RBFOX1: variants seen among roughly 807,000 people sequenced by gnomAD.
The protein encoded by RBFOX1 is RNA binding protein fox-1 homolog 1.
A neutral mutation model predicts 57.7 loss-of-function variants in RBFOX1; 8 were observed. That is an observed-to-expected ratio of 0.14 (90% CI 0.08 to 0.25). The LOEUF is 0.25. Among genes scored for constraint, RBFOX1 ranks in the 10% least tolerant of loss-of-function variants. The pLI, the probability that RBFOX1 is intolerant of heterozygous loss-of-function variation, is 1.00. For missense variants in RBFOX1, 611 were observed against 548.5 expected, an observed-to-expected ratio of 1.11 and a Z score of -1.14; for synonymous variants, 326 against 222.4, an observed-to-expected ratio of 1.47 and a Z score of -4.15.
At chr16:6,691,130 C>T (rs902335740) in intron 3 of RBFOX1, among the ~76,000 whole-genome samples, 1 of 152,212 alleles carries the variant, frequency 6.6e-6, no homozygotes, top group East Asian at 1.9e-4. Flanking sequence ...ATTACAGAGT[C>T]CTGGAAAGAA....
At chr16:5,247,281 G>A (rs1011572549) in intron 1 of RBFOX1, among the ~76,000 whole-genome samples, 1 of 152,202 alleles carries the variant, frequency 6.6e-6, no homozygotes, top group African/African-American at 2.4e-5. Context: ...ACTGTGGTTT[G>A]TGGGACTCCA....
intron 1 of RBFOX1, among the ~76,000 whole-genome samples, chr16:6,256,187 GTATATA>G (rs1238561014): frequency 4.1e-4 from 4 of 9,746 alleles, no homozygotes; most frequent in African/African-American, 5.8e-4. Context: ...ATATATATAC[GTATATA>G]TATGTATATG....
chr16:6,199,868 G>T (rs551502663), intron 1 of RBFOX1, among the ~76,000 whole-genome samples: 2 of 152,234 alleles, frequency 1.3e-5, no homozygotes, highest in East Asian at 1.9e-4. Flanking sequence ...CTATCAGAAG[G>T]TTATGAAGAC....
At chr16:6,345,790 C>T (rs2085283863) in intron 2 of RBFOX1, among the ~76,000 whole-genome samples, 1 of 152,190 alleles carries the variant, frequency 6.6e-6, no homozygotes, top group Non-Finnish European at 1.5e-5. Flanking sequence ...GGATGTGTGC[C>T]TGTGACACGG....
intron 1 of RBFOX1, among the ~76,000 whole-genome samples, chr16:5,346,426 G>C (rs932898159): frequency 1.3e-5 from 2 of 152,204 alleles, no homozygotes; most frequent in Non-Finnish European, 2.9e-5. Context: ...GAGAAGTTAT[G>C]ATGTTTGAAC....
intron 2 of RBFOX1, among the ~76,000 whole-genome samples, chr16:5,597,958 C>A (rs541873322): frequency 1.3e-4 from 20 of 152,232 alleles, no homozygotes; most frequent in African/African-American, 4.3e-4. Flanking sequence ...AGGTTAAGAC[C>A]TACTTCTTAA....
intron 5 of RBFOX1, among the ~76,000 whole-genome samples, chr16:7,523,435 A>G (rs939790912): frequency 6.6e-6 from 1 of 152,248 alleles, no homozygotes; most frequent in African/African-American, 2.4e-5. Flanking sequence ...AGGCAGCATC[A>G]TCAAAGGAAG....
chr16:6,516,029 A>C (rs895939755), intron 2 of RBFOX1, among the ~76,000 whole-genome samples: 1 of 152,056 alleles, frequency 6.6e-6, no homozygotes, highest in African/African-American at 2.4e-5. Context: ...TTTGAGACAG[A>C]GTCTTGCTCT....
intron 2 of RBFOX1, among the ~76,000 whole-genome samples, chr16:6,568,793 T>G (rs2097303429): frequency 6.6e-6 from 1 of 152,086 alleles, no homozygotes; most frequent in African/African-American, 2.4e-5. Flanking sequence ...TTTTTGAGAT[T>G]GAGTCTTCTC....
At chr16:7,689,270 G>A (rs1001203843) in intron 14 of RBFOX1, among the ~76,000 whole-genome samples, 4 of 151,982 alleles carry the variant, frequency 2.6e-5, no homozygotes, top group Admixed American at 6.6e-5. Context: ...TCATACATTG[G>A]TAATCCTTCC....
rs538424684 is a variant in RBFOX1 at position 7,048,704 on chromosome 16, C to G, written c.-15-3353C>G. Among the ~76,000 whole-genome samples, 5 of 152,036 alleles carry G rather than the reference C, an allele frequency of 3.3e-5. No homozygotes were observed. The South Asian group carries it at 1.0e-3, about 32-fold the overall frequency. ...TTATTTGATAATTCCAACATCTTTGCTATGTTGATGTTGGTGTCTGTGAAT... is the reference window on the plus strand; with the variant it reads ...TTATTTGATAATTCCAACATCTTTGGTATGTTGATGTTGGTGTCTGTGAAT... On this transcript the variant is annotated intron_variant, in intron 3 of 15. Coordinates refer to ENST00000550418, the MANE Select transcript of RBFOX1 (RefSeq NM_018723.4).
intron 3 of RBFOX1, among the ~76,000 whole-genome samples, chr16:6,857,820 T>C (rs1030891413): frequency 3.3e-5 from 5 of 152,218 alleles, no homozygotes; most frequent in African/African-American, 1.2e-4. Context: ...CCTGTTTTGG[T>C]AATTAATTAT....
intron 2 of RBFOX1, among the ~76,000 whole-genome samples, chr16:5,557,226 C>T (rs1241390205): frequency 6.6e-6 from 1 of 151,532 alleles, no homozygotes; most frequent in African/African-American, 2.4e-5. Context: ...CGCCACTGCA[C>T]TCCAGCCGGG....
intron 3 of RBFOX1, among the ~76,000 whole-genome samples, chr16:6,859,940 A>G (rs2058707014): frequency 6.6e-6 from 1 of 152,174 alleles, no homozygotes; most frequent in African/African-American, 2.4e-5. Flanking sequence ...TAATGAATTG[A>G]GACAGCTGAA....
At chr16:6,124,125 A>G (rs2096571574) in intron 1 of RBFOX1, among the ~76,000 whole-genome samples, 1 of 152,130 alleles carries the variant, frequency 6.6e-6, no homozygotes, top group Non-Finnish European at 1.5e-5. Context: ...TTTTGTTTGC[A>G]CCACACAGTT....
intron 3 of RBFOX1, among the ~76,000 whole-genome samples, chr16:7,047,601 C>T (rs2048403823): frequency 7.4e-6 from 1 of 135,154 alleles, no homozygotes; most frequent in Middle Eastern, 3.6e-3. Flanking sequence ...AGGAAGTTTT[C>T]AGCCATTATT....
chr16:5,961,326 C>T (rs1045637787), intron 4 of RBFOX1, among the ~76,000 whole-genome samples: 3 of 152,042 alleles, frequency 2.0e-5, no homozygotes, highest in Non-Finnish European at 4.4e-5. Context: ...CCATATTTAA[C>T]CGTTGTTGAA....
intron 3 of RBFOX1, among the ~76,000 whole-genome samples, chr16:5,815,724 T>G (rs2055609860): frequency 1.3e-5 from 2 of 152,194 alleles, no homozygotes; most frequent in Admixed American, 6.5e-5. Flanking sequence ...GTAAAACCAT[T>G]GCAATACAAT....
At chr16:7,235,031 G>A (rs910932463) in intron 4 of RBFOX1, among the ~76,000 whole-genome samples, 12 of 152,220 alleles carry the variant, frequency 7.9e-5, no homozygotes, top group Middle Eastern at 6.8e-3. Context: ...AAGGCAAGTC[G>A]AAGTGCTATG....
Sources: gnomAD v4.1 joint callset for allele counts (sites outside exome capture counted in the v4.1 genomes callset) on GRCh38, gnomAD v4.1.1 for gene constraint, MANE v1.5 for transcripts, NCBI Gene and HGNC (gene_info 2026-07-23, HGNC 2026-07-21) for gene names.